PCDHGA1: variants seen among roughly 807,000 people sequenced by gnomAD.
PCDHGA1 encodes the protein protocadherin gamma subfamily A, 1.
Under a neutral mutation model 58.0 loss-of-function variants are expected in PCDHGA1, and 32 were observed. The ratio of observed to expected loss-of-function variants is 0.55; its 90% CI spans 0.42 to 0.74. PCDHGA1 has a LOEUF of 0.74. PCDHGA1 is among the 30% of genes least tolerant of loss of function. The pLI is 0.00. For missense variants in PCDHGA1, 1,205 were observed against 1,182.3 expected, an observed-to-expected ratio of 1.02 and a Z score of -0.28; for synonymous variants, 498 against 501.1, an observed-to-expected ratio of 0.99 and a Z score of 0.08.
chr5:141,384,804 A>C (rs1780531756), intron 1 of PCDHGA1: 1 of 1,613,332 alleles, frequency 6.2e-7, no homozygotes, highest in Non-Finnish European at 8.5e-7. Flanking sequence ...TGCTGGACAG[A>C]GATGCCCTCA....
At chr5:141,465,730 T>G (rs1373873081) in intron 1 of PCDHGA1, among the ~76,000 whole-genome samples, 2 of 152,186 alleles carry the variant, frequency 1.3e-5, no homozygotes, top group Non-Finnish European at 2.9e-5. Context: ...CCTCTTGTGC[T>G]TTGTTTTCAG....
In PCDHGA1 at chr5:141,332,790, C is replaced by T. The variant is rs752862628; in HGVS notation, c.2106C>T (p.Cys702=). The T allele has an allele frequency of 2.5e-6, 4 of 1,614,070 alleles. No individual in the cohort carries two copies. The highest frequency in any genetic ancestry group is 2.7e-5 in the African/African-American group (2 of 74,948). The change falls in exon 1 of 4, where the codon TGC becomes TGT. Residue 702 remains cysteine, a synonymous_variant. Transcript: ENST00000517417. The surrounding 1 kb of genome is among the most constrained non-coding windows in gnomAD (Gnocchi z 4.6). ...TGGTGGCGGCGGCCGCGGTCTCCTG[C>T]GTCTTCCTGGCCTTCGTCATCGTGC... ...YLVVAAAAVS[C]VFLAFVIVLL... is the part of the protein sequence containing the mutation.
At chr5:141,421,418 G>A (rs771088122) in intron 1 of PCDHGA1, 1 of 1,614,086 alleles carries the variant, frequency 6.2e-7, no homozygotes, top group Admixed American at 1.7e-5. Flanking sequence ...GCGAAGCGCG[G>A]AGTCCGCATC....
intron 1 of PCDHGA1, among the ~76,000 whole-genome samples, chr5:141,463,239 C>G (rs1012919667): frequency 1.3e-5 from 2 of 151,950 alleles, no homozygotes; most frequent in African/African-American, 4.8e-5. Context: ...CTTTGTGTAG[C>G]TCCATTCTCT....
At chr5:141,403,270 T>C (rs1284833810) in intron 1 of PCDHGA1, 2 of 1,613,770 alleles carry the variant, frequency 1.2e-6, no homozygotes, top group African/African-American at 1.3e-5. Flanking sequence ...TGGTGAACTT[T>C]AAAGTCCTGG....
intron 1 of PCDHGA1, among the ~76,000 whole-genome samples, chr5:141,386,454 C>T (rs1377987276): frequency 6.6e-6 from 1 of 152,064 alleles, no homozygotes; most frequent in South Asian, 2.1e-4. Flanking sequence ...GGCAAGAGGA[C>T]AGCTTGAACC....
intron 1 of PCDHGA1, chr5:141,346,513 T>C (rs1757765214): frequency 6.2e-7 from 1 of 1,604,798 alleles, no homozygotes; most frequent in African/African-American, 1.3e-5. Flanking sequence ...GTGGTTATTA[T>C]AAAGCTTTAA....
chr5:141,387,321 T>G (rs2090906935), intron 1 of PCDHGA1, among the ~76,000 whole-genome samples: 1 of 152,226 alleles, frequency 6.6e-6, no homozygotes, highest in African/African-American at 2.4e-5. Context: ...TGAGTAAGTA[T>G]GGAAAATTAC....
At chr5:141,347,021 T>C (rs71583642) in intron 1 of PCDHGA1, among the ~76,000 whole-genome samples, 1 of 151,100 alleles carries the variant, frequency 6.6e-6, no homozygotes, top group Non-Finnish European at 1.5e-5. Context: ...TCCTCTCTCT[T>C]TCCTCCTTCC....
At chr5:141,369,226 G>A (rs1028209484) in intron 1 of PCDHGA1, among the ~76,000 whole-genome samples, 2 of 152,058 alleles carry the variant, frequency 1.3e-5, no homozygotes, top group African/African-American at 4.8e-5. Context: ...AAAGTGGACA[G>A]GAAGATTACT....
At chr5:141,399,627 C>G (rs751717107) in intron 1 of PCDHGA1, 12 of 1,613,906 alleles carry the variant, frequency 7.4e-6, no homozygotes, top group South Asian at 1.1e-5. Context: ...TGGCCTCTTA[C>G]GTGTCCATGA....
intron 1 of PCDHGA1, chr5:141,355,278 C>T (rs1759782758): frequency 6.2e-7 from 1 of 1,613,742 alleles, no homozygotes; most frequent in Non-Finnish European, 8.5e-7. Context: ...TGGTGGAAAT[C>T]AGGGCCGAAC....
At chr5:141,350,845 A>C (rs1758572276) in intron 1 of PCDHGA1, 1 of 1,613,468 alleles carries the variant, frequency 6.2e-7, no homozygotes, top group Non-Finnish European at 8.5e-7. Context: ...TGCTGGAAAA[A>C]CCTCTAGACA....
At chr5:141,351,586 C>T (rs377147713) in intron 1 of PCDHGA1, 6 of 1,613,936 alleles carry the variant, frequency 3.7e-6, no homozygotes, top group African/African-American at 1.3e-5. Context: ...CCGACATCAA[C>T]GACAATGCAC....
At chr5:141,484,866 C>T in intron 1 of PCDHGA1, 1 of 275,618 alleles carries the variant, frequency 3.6e-6, no homozygotes, top group Non-Finnish European at 6.8e-6. Flanking sequence ...GGTGGGGGAG[C>T]GTGGAGGATA....
chr5:141,418,938 C>A, intron 1 of PCDHGA1: 3 of 1,613,738 alleles, frequency 1.9e-6, no homozygotes, highest in Non-Finnish European at 2.5e-6. Flanking sequence ...ATGGAGGATT[C>A]CCCTCCAGGA....
chr5:141,415,585 C>G (rs1589974529), intron 1 of PCDHGA1: 5 of 1,613,900 alleles, frequency 3.1e-6, no homozygotes, highest in Non-Finnish European at 3.4e-6. Context: ...TTCGAAGTTT[C>G]CTATAGAGGA....
chr5:141,341,433 T>C, intron 1 of PCDHGA1: 1 of 1,611,604 alleles, frequency 6.2e-7, no homozygotes, highest in Non-Finnish European at 8.5e-7. Context: ...CTAGCTAGTT[T>C]GCTGAAGTAA....
chr5:141,367,937 T>G (rs1345542732), intron 1 of PCDHGA1, among the ~76,000 whole-genome samples: 1 of 152,236 alleles, frequency 6.6e-6, no homozygotes, highest in African/African-American at 2.4e-5. Flanking sequence ...TAAAGATGGT[T>G]CAAAATTTTA....
Sources: allele counts gnomAD v4.1 joint callset (sites outside exome capture counted in the v4.1 genomes callset), GRCh38; gene constraint gnomAD v4.1.1; non-coding constraint Gnocchi (gnomAD v3.1); transcripts MANE v1.5; gene names NCBI Gene and HGNC (gene_info 2026-07-23, HGNC 2026-07-21).